The following SNTG1 variants were observed in gnomAD, a reference collection of about 807,000 sequenced individuals.
The protein encoded by SNTG1 is syntrophin gamma 1.
In SNTG1, 39 loss-of-function variants were observed where a neutral mutation model predicts 74.7. The observed-to-expected ratio is 0.52, with a 90% CI of 0.40 to 0.68. The LOEUF (loss-of-function observed/expected upper bound fraction) is 0.68. Among genes scored for constraint, SNTG1 ranks in the 30% least tolerant of loss-of-function variants. The probability of loss-of-function intolerance (pLI) is 0.00; values close to 1 mark genes in which losing one functional copy is unlikely to be tolerated. For missense variants in SNTG1, 685 were observed against 609.5 expected (o/e 1.12, Z -1.30); for synonymous variants, 254 against 217.1 (o/e 1.17, Z -1.49).
At chr8:50,518,737 C>T (rs2130113332) in intron 9 of SNTG1, among the ~76,000 whole-genome samples, 1 of 152,288 alleles carries the variant, frequency 6.6e-6, no homozygotes, top group South Asian at 2.1e-4. Flanking sequence ...CACATACACC[C>T]TCCCAAGACT....
At chr8:49,968,829 A>G (rs745664130) in intron 1 of SNTG1, among the ~76,000 whole-genome samples, 29 of 152,176 alleles carry the variant, frequency 1.9e-4, no homozygotes, top group Non-Finnish European at 3.7e-4. Flanking sequence ...CCAGAAAACC[A>G]AAAGGCAGAC....
chr8:50,513,629 C>A (rs769336118), intron 9 of SNTG1, among the ~76,000 whole-genome samples: 2 of 152,244 alleles, frequency 1.3e-5, no homozygotes, highest in Non-Finnish European at 2.9e-5. Context: ...ATGCCCCTCC[C>A]CAGCCTCACT....
At chr8:50,688,722 A>T (rs2095363962) in intron 15 of SNTG1, among the ~76,000 whole-genome samples, 1 of 152,104 alleles carries the variant, frequency 6.6e-6, no homozygotes, top group Admixed American at 6.6e-5. Context: ...TTGGCTTAGG[A>T]TTGACTTGGC....
At chr8:50,095,992 A>T (rs1174065682) in intron 1 of SNTG1, among the ~76,000 whole-genome samples, 1 of 152,152 alleles carries the variant, frequency 6.6e-6, no homozygotes, top group Admixed American at 6.5e-5. Context: ...CTAAAAAAAA[A>T]ATTCCATGAA....
At chr8:50,740,227 C>T (rs761480442) in intron 17 of SNTG1, among the ~76,000 whole-genome samples, 20 of 151,058 alleles carry the variant, frequency 1.3e-4, no homozygotes, top group Non-Finnish European at 1.6e-4. Flanking sequence ...GTGCATCTGA[C>T]AAAGGTCTAA....
At chr8:50,443,945 C>T (rs2093381822) in intron 5 of SNTG1, among the ~76,000 whole-genome samples, 1 of 151,858 alleles carries the variant, frequency 6.6e-6, no homozygotes, top group East Asian at 1.9e-4. Context: ...ACCAGCTTGA[C>T]CAACATGGTG....
At chr8:50,015,575 G>A (rs938446971) in intron 1 of SNTG1, among the ~76,000 whole-genome samples, 5 of 152,056 alleles carry the variant, frequency 3.3e-5, no homozygotes, top group African/African-American at 9.7e-5. Flanking sequence ...TAAGCTCAAA[G>A]AGATCCAGCC....
intron 2 of SNTG1, among the ~76,000 whole-genome samples, chr8:50,279,020 A>T (rs2088281312): frequency 6.6e-6 from 1 of 152,168 alleles, no homozygotes; most frequent in South Asian, 2.1e-4. Flanking sequence ...TTAGAAGAAG[A>T]TGAGTACAAG....
chr8:50,582,945 A>C (rs186361642), intron 12 of SNTG1, among the ~76,000 whole-genome samples: 3 of 152,184 alleles, frequency 2.0e-5, no homozygotes, highest in Non-Finnish European at 2.9e-5. Context: ...GAATGACCCA[A>C]TGAGTTTCCT....
intron 1 of SNTG1, among the ~76,000 whole-genome samples, chr8:50,154,363 A>T (rs1226252844): frequency 6.6e-6 from 1 of 151,384 alleles, no homozygotes; most frequent in Non-Finnish European, 1.5e-5. Context: ...GAATTCCCTG[A>T]CCCCTTGCAC....
intron 2 of SNTG1, among the ~76,000 whole-genome samples, chr8:50,343,372 T>G (rs2130949792): frequency 6.6e-6 from 1 of 152,366 alleles, no homozygotes; most frequent in East Asian, 1.9e-4. Context: ...CTTGAGTTTA[T>G]AAAACTGTAT....
intron 1 of SNTG1, among the ~76,000 whole-genome samples, chr8:50,133,030 A>G (rs553751332): frequency 6.6e-6 from 1 of 152,162 alleles, no homozygotes; most frequent in African/African-American, 2.4e-5. Flanking sequence ...ACAAGTACTG[A>G]TTCCTTTTTG....
chr8:50,167,473 G>A (rs1275292846), intron 1 of SNTG1, among the ~76,000 whole-genome samples: 1 of 151,250 alleles, frequency 6.6e-6, no homozygotes, highest in Non-Finnish European at 1.5e-5. Context: ...GACCTCTCTG[G>A]ACCGTGATTA....
At chr8:49,935,370 G>A (rs1203557461) in intron 1 of SNTG1, among the ~76,000 whole-genome samples, 1 of 145,500 alleles carries the variant, frequency 6.9e-6, no homozygotes, top group Non-Finnish European at 1.5e-5. Context: ...CACTCACAAA[G>A]GGCCCCCAAA....
Position 50,656,572 on chromosome 8 carries a change from G to A in SNTG1, c.850-337G>A, listed in dbSNP as rs113612981. ...ATGTCAGTAATTGGTAAACAAGTGC[G>A]ATGCATCAATGAATTCTATTATAAA... On this transcript the variant is annotated intron_variant, in intron 13 of 18. Coordinates refer to ENST00000642720, the MANE Select transcript of SNTG1 (RefSeq NM_018967.5). Among the ~76,000 whole-genome samples the A allele has an allele frequency of 1.6e-3, 250 of 152,182 alleles. 2 individuals carry two copies. Among genetic ancestry groups the A allele is most frequent in the Middle Eastern group, 0.01 (3 of 294 alleles).
intron 1 of SNTG1, among the ~76,000 whole-genome samples, chr8:49,937,777 T>G (rs569484282): frequency 8.5e-5 from 13 of 152,334 alleles, no homozygotes; most frequent in African/African-American, 3.1e-4. Flanking sequence ...CTTTTCAGAC[T>G]GTGATTTTAC....
intron 2 of SNTG1, among the ~76,000 whole-genome samples, chr8:50,250,234 A>G (rs1014221270): frequency 1.3e-5 from 2 of 151,858 alleles, no homozygotes; most frequent in Non-Finnish European, 2.9e-5. Flanking sequence ...CTCTGAGCTT[A>G]AAAGTAGGCA....
intron 2 of SNTG1, among the ~76,000 whole-genome samples, chr8:50,310,094 C>T (rs2090049330): frequency 6.6e-6 from 1 of 152,200 alleles, no homozygotes; most frequent in African/African-American, 2.4e-5. Flanking sequence ...GATCCTCGTA[C>T]ATCTAAGCTT....
intron 15 of SNTG1, among the ~76,000 whole-genome samples, chr8:50,700,071 A>G (rs544368752): frequency 3.9e-5 from 6 of 152,172 alleles, no homozygotes; most frequent in Non-Finnish European, 7.4e-5. Context: ...TTTTGTTCTT[A>G]TCACCTTATA....
Sources: allele counts gnomAD v4.1 joint callset (sites outside exome capture counted in the v4.1 genomes callset), GRCh38; gene constraint gnomAD v4.1.1; transcripts MANE v1.5; gene names NCBI Gene and HGNC (gene_info 2026-07-23, HGNC 2026-07-21).